LTBP1: variants seen among roughly 807,000 people sequenced by gnomAD.
LTBP1 encodes latent-transforming growth factor beta-binding protein 1.
LTBP1 carries 129 observed loss-of-function variants against 207.6 expected under a neutral mutation model. The ratio of observed to expected loss-of-function variants is 0.62; its 90% CI spans 0.54 to 0.72. The LOEUF (loss-of-function observed/expected upper bound fraction) is 0.72, where lower values mean the gene tolerates loss of function less well. Among genes scored for constraint, LTBP1 ranks in the 30% least tolerant of loss-of-function variants. LTBP1 has a pLI of 0.00. For missense variants in LTBP1, 2,281 were observed against 2,217.2 expected (o/e 1.03, Z -0.58); for synonymous variants, 963 against 833.7 (o/e 1.16, Z -2.67).
At chr2:33,240,940 G>A (rs947392165) in intron 9 of LTBP1, among the ~76,000 whole-genome samples, 11 of 152,056 alleles carry the variant, frequency 7.2e-5, no homozygotes, top group Admixed American at 1.3e-4. Context: ...GTGAGCCACC[G>A]CGCCCGGCCA....
intron 9 of LTBP1, among the ~76,000 whole-genome samples, chr2:33,230,665 AAT>A (rs2149547653): frequency 6.6e-6 from 1 of 152,318 alleles, no homozygotes; most frequent in South Asian, 2.1e-4. Context: ...CCTGAGTGGA[AAT>A]ACTGAGTACC....
chr2:33,178,220 C>T (rs1016331426), intron 5 of LTBP1, among the ~76,000 whole-genome samples: 1 of 152,142 alleles, frequency 6.6e-6, no homozygotes, highest in Non-Finnish European at 1.5e-5. Flanking sequence ...GGGACAGAGC[C>T]TTGAGGTTTA....
chr2:33,068,277 A>G (rs1345510997), intron 3 of LTBP1, among the ~76,000 whole-genome samples: 1 of 152,024 alleles, frequency 6.6e-6, no homozygotes, highest in African/African-American at 2.4e-5. Context: ...TTTAAACAAT[A>G]AACATTATTT....
chr2:33,252,125 C>A (rs1023525723), intron 10 of LTBP1, among the ~76,000 whole-genome samples: 1 of 152,152 alleles, frequency 6.6e-6, no homozygotes, highest in Non-Finnish European at 1.5e-5. Context: ...GTGTGGCACT[C>A]GAAATCAGAA....
intron 5 of LTBP1, among the ~76,000 whole-genome samples, chr2:33,142,334 C>T (rs1165961344): frequency 1.3e-5 from 2 of 151,992 alleles, no homozygotes; most frequent in African/African-American, 4.8e-5. Flanking sequence ...GGATTACAGG[C>T]GTGAGCCACC....
intron 10 of LTBP1, among the ~76,000 whole-genome samples, chr2:33,252,265 A>G (rs1444733807): frequency 1.3e-5 from 2 of 152,232 alleles, no homozygotes; most frequent in East Asian, 1.9e-4. Flanking sequence ...CTCATTCTCC[A>G]AAGTGCCTGA....
At chr2:33,135,107 T>C in intron 5 of LTBP1, 147 bp downstream of exon 5, 1 of 863,944 alleles carries the variant, frequency 1.2e-6, no homozygotes. Context: ...TGGGATCTTT[T>C]AAATTGCTTT....
intron 4 of LTBP1, among the ~76,000 whole-genome samples, chr2:33,120,183 T>C (rs1365053487): frequency 6.6e-6 from 1 of 152,202 alleles, no homozygotes; most frequent in Admixed American, 6.5e-5. Flanking sequence ...CAAGTATATA[T>C]GTGTGTATTT....
Position 33,398,667 on chromosome 2 carries a change from A to C in LTBP1, c.*122A>C, listed in dbSNP as rs622716. 1.0e-6 allele frequency: 1 copy of C among 953,418 alleles called. No individual in the cohort carries two copies. The highest frequency in any genetic ancestry group is 1.5e-6 in the Non-Finnish European group (1 of 661,750). 59.1% of individuals were successfully genotyped at this position (953,418 alleles called of 1,614,324 possible). A position where few individuals can be genotyped will look rare whatever the true frequency, so the allele number is the denominator to read the frequency against. On this transcript the variant is annotated 3_prime_UTR_variant, in exon 34 of 34. Coordinates refer to ENST00000404816, the MANE Select transcript of LTBP1 (RefSeq NM_206943.4). The stretch of plus-strand genomic sequence containing the variant: ...GCTGGAAATACAGAAACAGCATGGA[A>C]TTGCAAGTCCTCTGAAGACAATGAG...
intron 3 of LTBP1, among the ~76,000 whole-genome samples, chr2:33,052,241 G>T (rs187463118): frequency 2.0e-5 from 3 of 152,222 alleles, no homozygotes; most frequent in African/African-American, 4.8e-5. Flanking sequence ...AAAGTTTACC[G>T]ATTGCCAAAT....
At chr2:33,019,361 A>G (rs887343282) in intron 2 of LTBP1, among the ~76,000 whole-genome samples, 5 of 118,452 alleles carry the variant, frequency 4.2e-5, no homozygotes, top group Non-Finnish European at 6.7e-5. Flanking sequence ...TTTTGAGACC[A>G]AGTTTCCCTC....
At chr2:33,088,789 A>C (rs2078904724) in intron 3 of LTBP1, among the ~76,000 whole-genome samples, 1 of 152,234 alleles carries the variant, frequency 6.6e-6, no homozygotes, top group Admixed American at 6.5e-5. Flanking sequence ...CTTGTATGCT[A>C]TTTGATCATG....
intron 3 of LTBP1, among the ~76,000 whole-genome samples, chr2:33,045,606 G>C (rs1452031311): frequency 6.6e-6 from 1 of 152,196 alleles, no homozygotes; most frequent in East Asian, 1.9e-4. Context: ...GCTCTTTTTT[G>C]TTTCCATATG....
At position 33,300,323 on chromosome 2, in the gene LTBP1, A is replaced by G. The variant is rs2093962306; in HGVS notation, c.3236-128A>G. The G allele has an allele frequency of 1.8e-5, 14 of 798,934 alleles. No homozygotes were observed. In the Admixed American group the frequency reaches 2.9e-4, roughly 17 times the overall value. The allele number at this position is 798,934 out of a possible 1,614,324, so 49.5% of individuals were successfully genotyped here. ...GCATGGGTGGAGTGATAAATACTAA[A>G]GTGTGTAGTGCCAGACATAAGAAGT... On this transcript the variant is annotated intron_variant, in intron 20 of 33. Transcript: ENST00000404816.
intron 5 of LTBP1, among the ~76,000 whole-genome samples, chr2:33,146,989 T>C (rs1212607320): frequency 6.6e-6 from 1 of 152,190 alleles, no homozygotes; most frequent in African/African-American, 2.4e-5. Context: ...AGTGACTTAA[T>C]GAAGCCCCTG....
chr2:33,114,632 A>G (rs1041856693), intron 4 of LTBP1, among the ~76,000 whole-genome samples: 37 of 152,202 alleles, frequency 2.4e-4, no homozygotes. Context: ...CCAGAAAAGC[A>G]TGAACTACCA....
chr2:33,311,809 C>T (rs2094192308), intron 23 of LTBP1, among the ~76,000 whole-genome samples: 1 of 152,138 alleles, frequency 6.6e-6, no homozygotes, highest in South Asian at 2.1e-4. Context: ...GGTTTGATAT[C>T]ACCTCTCAAA....
At chr2:32,976,913 C>G (rs1467030953) in intron 2 of LTBP1, among the ~76,000 whole-genome samples, 3 of 152,204 alleles carry the variant, frequency 2.0e-5, no homozygotes, top group Non-Finnish European at 2.9e-5. Context: ...AATGTTCTGT[C>G]TGGGTGCTTC....
chr2:32,990,546 A>G (rs961258327), intron 2 of LTBP1, among the ~76,000 whole-genome samples: 1 of 152,240 alleles, frequency 6.6e-6, no homozygotes, highest in Non-Finnish European at 1.5e-5. Flanking sequence ...CGTTGTTTAC[A>G]TGAAAACTGA....
Sources: allele counts gnomAD v4.1 joint callset (sites outside exome capture counted in the v4.1 genomes callset), GRCh38; gene constraint gnomAD v4.1.1; transcripts MANE v1.5; gene names NCBI Gene and HGNC (gene_info 2026-07-23, HGNC 2026-07-21).